Variants in EYS observed in about 807,000 individuals in gnomAD.
The protein encoded by EYS is EGF-like photoreceptor maintenance factor.
EYS carries 250 observed loss-of-function variants against 282.1 expected under a neutral mutation model. That is an observed-to-expected ratio of 0.89 (90% confidence interval 0.80 to 0.98). The LOEUF is 0.98. EYS is among the 50% of genes least tolerant of loss of function. The probability of loss-of-function intolerance (pLI) is 0.00; values close to 1 mark genes in which losing one functional copy is unlikely to be tolerated. For synonymous variants in EYS, 1,355 were observed against 1,282.9 expected (o/e 1.06, Z -1.20); for missense variants, 4,016 against 3,709.0 (o/e 1.08, Z -2.15).
intron 26 of EYS, among the ~76,000 whole-genome samples, chr6:64,471,210 T>A (rs1000232846): frequency 3.9e-5 from 6 of 152,154 alleles, no homozygotes; most frequent in African/African-American, 1.4e-4. Context: ...CGTTCCTTAC[T>A]CTTATTTAAC....
chr6:64,560,885 CA>C (rs1342580460), intron 26 of EYS, among the ~76,000 whole-genome samples: 2 of 151,710 alleles, frequency 1.3e-5, no homozygotes, highest in Non-Finnish European at 2.9e-5. Context: ...AGAGACACAG[CA>C]AAAAAAGAAA....
intron 29 of EYS, among the ~76,000 whole-genome samples, chr6:64,327,127 C>T (rs1198441905): frequency 1.3e-5 from 2 of 152,056 alleles, no homozygotes. Context: ...GCACGGATCT[C>T]TTAGTGTGGA....
At chr6:65,452,441 A>G (rs1406633710) in intron 5 of EYS, among the ~76,000 whole-genome samples, 7 of 151,958 alleles carry the variant, frequency 4.6e-5, no homozygotes, top group Non-Finnish European at 1.0e-4. Flanking sequence ...AGACATATGT[A>G]TAGAAGCCAC....
chr6:65,164,978 T>A (rs1764938291), intron 12 of EYS, among the ~76,000 whole-genome samples: 1 of 151,310 alleles, frequency 6.6e-6, no homozygotes, highest in Non-Finnish European at 1.5e-5. Flanking sequence ...CTATGAAGAT[T>A]GTGCTTCCAA....
intron 12 of EYS, among the ~76,000 whole-genome samples, chr6:65,184,533 G>T (rs1307807335): frequency 1.3e-5 from 2 of 150,722 alleles, no homozygotes; most frequent in African/African-American, 4.9e-5. Flanking sequence ...CAAATAAACA[G>T]CAACAAACCG....
intron 24 of EYS, among the ~76,000 whole-genome samples, chr6:64,604,988 A>T (rs1276199147): frequency 6.6e-6 from 1 of 152,052 alleles, no homozygotes; most frequent in African/African-American, 2.4e-5. Flanking sequence ...TATCTTTCAA[A>T]ATAAAAGTCT....
At chr6:64,137,521 A>T (rs541164565) in intron 31 of EYS, among the ~76,000 whole-genome samples, 1 of 152,080 alleles carries the variant, frequency 6.6e-6, no homozygotes, top group African/African-American at 2.4e-5. Flanking sequence ...TCTTCCTTTT[A>T]CTTGAACACT....
At chr6:64,383,352 T>A (rs1334585212) in intron 29 of EYS, among the ~76,000 whole-genome samples, 1 of 152,040 alleles carries the variant, frequency 6.6e-6, no homozygotes, top group African/African-American at 2.4e-5. Context: ...TAGGAATAAA[T>A]TGTAAATTGA....
At chr6:64,882,633 A>G (rs1766959236) in intron 19 of EYS, among the ~76,000 whole-genome samples, 1 of 151,780 alleles carries the variant, frequency 6.6e-6, no homozygotes. Flanking sequence ...TTATCAATCA[A>G]ACAAAAAATA....
chr6:64,813,669 A>T (rs1198901919), intron 21 of EYS, 92 bp from the exon 22 acceptor site: 1 of 746,328 alleles, frequency 1.3e-6, no homozygotes, highest in East Asian at 3.3e-5. Flanking sequence ...TAATCTAAAA[A>T]ACTGATGTGC....
intron 31 of EYS, among the ~76,000 whole-genome samples, chr6:64,224,748 C>T (rs1438595885): frequency 6.6e-6 from 1 of 151,874 alleles, no homozygotes; most frequent in Non-Finnish European, 1.5e-5. Flanking sequence ...TTTTGCTAAA[C>T]TATTCTGCAA....
chr6:63,727,288 C>T (rs1277766984), intron 41 of EYS, among the ~76,000 whole-genome samples: 1 of 151,874 alleles, frequency 6.6e-6, no homozygotes, highest in South Asian at 2.1e-4. Context: ...TGTTACAGTG[C>T]TTCTTAGAGT....
At chr6:64,707,594 G>C (rs569312759) in intron 22 of EYS, among the ~76,000 whole-genome samples, 2 of 150,396 alleles carry the variant, frequency 1.3e-5, no homozygotes, top group African/African-American at 4.9e-5. Context: ...GCGTGAACCC[G>C]GGAGGCCTTG....
At chr6:64,680,160 G>T (rs1769848597) in intron 22 of EYS, among the ~76,000 whole-genome samples, 2 of 152,276 alleles carry the variant, frequency 1.3e-5, no homozygotes, top group South Asian at 4.2e-4. Flanking sequence ...AAGACTATTT[G>T]TATGCCAAAA....
At chr6:64,555,178 A>G (rs1461860190) in intron 26 of EYS, among the ~76,000 whole-genome samples, 4 of 151,958 alleles carry the variant, frequency 2.6e-5, no homozygotes. Context: ...TCTAGTATAA[A>G]CACACACCAC....
intron 35 of EYS, among the ~76,000 whole-genome samples, chr6:63,882,686 C>T (rs1234536038): frequency 6.6e-6 from 1 of 152,092 alleles, no homozygotes; most frequent in Non-Finnish European, 1.5e-5. Flanking sequence ...CACATTGGTG[C>T]TATGGGAGAG....
At chr6:65,160,546 C>A (rs1026617009) in intron 12 of EYS, among the ~76,000 whole-genome samples, 3 of 150,764 alleles carry the variant, frequency 2.0e-5, no homozygotes, top group African/African-American at 4.8e-5. Context: ...TTGTTGGCAA[C>A]CACCCCATTG....
intron 1 of EYS, among the ~76,000 whole-genome samples, chr6:65,698,913 C>T (rs1224009556): frequency 6.6e-6 from 1 of 152,172 alleles, no homozygotes; most frequent in Non-Finnish European, 1.5e-5. Flanking sequence ...AAACAGATTA[C>T]TTTTTCCTAC....
intron 22 of EYS, among the ~76,000 whole-genome samples, chr6:64,640,722 TA>T (rs1308261124): frequency 2.6e-5 from 4 of 152,036 alleles, no homozygotes; most frequent in Admixed American, 2.0e-4. Context: ...AGTATAATAA[TA>T]AAAAAATAAA....
Sources: gnomAD v4.1 joint callset for allele counts (sites outside exome capture counted in the v4.1 genomes callset) on GRCh38, gnomAD v4.1.1 for gene constraint, MANE v1.5 for transcripts, NCBI Gene and HGNC (gene_info 2026-07-23, HGNC 2026-07-21) for gene names.